ANKRD30A: variants seen among roughly 807,000 people sequenced by gnomAD.
ANKRD30A encodes the protein ankyrin repeat domain 30A.
A neutral mutation model predicts 166.3 loss-of-function variants in ANKRD30A; 170 were observed. The observed-to-expected ratio is 1.02, with a 90% CI of 0.90 to 1.16. The LOEUF is 1.16. ANKRD30A is among the 50% of genes most tolerant of loss of function. The pLI is 0.00. For synonymous variants in ANKRD30A, 564 were observed against 508.9 expected (o/e 1.11, Z -1.46); for missense variants, 1,630 against 1,518.0 (o/e 1.07, Z -1.23).
chr10:37,219,738 G>A lies in ANKRD30A; in HGVS notation c.4026G>A (p.Lys1342=), dbSNP rs1564588794. The A allele has an allele frequency of 6.2e-7, 1 of 1,608,786 alleles. No homozygotes were observed. Among genetic ancestry groups the A allele is most frequent in the Non-Finnish European group, 8.5e-7 (1 of 1,176,894 alleles). ...AACAGCAATTAGTTCATGCACATAAGAAAGCTGACAACAAAAGCAAGATAA... is the reference window on the plus strand; with the variant it reads ...AACAGCAATTAGTTCATGCACATAAAAAAGCTGACAACAAAAGCAAGATAA... The part of the protein sequence containing the change: ...WLQQQLVHAH[K]KADNKSKITI... Residue 1342 remains lysine (K), a synonymous_variant, in exon 34 of 36, where the codon AAG becomes AAA. Coordinates refer to ENST00000361713, the MANE Select transcript of ANKRD30A (RefSeq NM_052997.3).
intron 28 of ANKRD30A, 34 bp from the exon 29 acceptor site, chr10:37,197,374 C>G: frequency 6.2e-7 from 1 of 1,612,536 alleles, no homozygotes; most frequent in East Asian, 2.2e-5. Flanking sequence ...AGTATACATT[C>G]TTTATTAATC....
chr10:37,150,259 A>G (rs576581608), intron 11 of ANKRD30A, among the ~76,000 whole-genome samples: 5 of 152,070 alleles, frequency 3.3e-5, no homozygotes, highest in Admixed American at 1.3e-4. Flanking sequence ...CCTTGTTTCC[A>G]GTGTTGTCAC....
chr10:37,241,821 TG>T, the ANKRD30A span: 2 of 152,298 alleles, frequency 1.3e-5, no homozygotes, highest in South Asian at 4.1e-4. Context: ...ATTTATTTTT[TG>T]GTTAGCTTTT....
intron 32 of ANKRD30A, among the ~76,000 whole-genome samples, chr10:37,217,006 A>G (rs1842637469): frequency 6.6e-6 from 1 of 151,018 alleles, no homozygotes; most frequent in Non-Finnish European, 1.5e-5. Context: ...TGTCCTACAT[A>G]AAATGAATTC....
chr10:37,165,478 C>A (rs1374391513), intron 18 of ANKRD30A, among the ~76,000 whole-genome samples: 1 of 152,136 alleles, frequency 6.6e-6, no homozygotes, highest in African/African-American at 2.4e-5. Context: ...GAGCTATGGG[C>A]AAATATATGA....
At chr10:37,211,641 A>G (rs1842325253) in intron 31 of ANKRD30A, among the ~76,000 whole-genome samples, 5 of 152,166 alleles carry the variant, frequency 3.3e-5, no homozygotes, top group South Asian at 2.1e-4. Flanking sequence ...TCCTTTGGGT[A>G]TATAACCAGT....
chr10:37,146,912 A>G (rs1295524804), intron 8 of ANKRD30A, among the ~76,000 whole-genome samples: 1 of 152,166 alleles, frequency 6.6e-6, no homozygotes, highest in Non-Finnish European at 1.5e-5. Flanking sequence ...AAGTTATGCA[A>G]ACTTCTCGGC....
intron 15 of ANKRD30A, among the ~76,000 whole-genome samples, chr10:37,160,561 A>G (rs938439617): frequency 7.9e-5 from 12 of 152,324 alleles, no homozygotes; most frequent in African/African-American, 2.6e-4. Context: ...GCTCTTGTAT[A>G]TGAAATAATG....
intron 31 of ANKRD30A, among the ~76,000 whole-genome samples, chr10:37,204,593 G>A (rs956295861): frequency 4.6e-5 from 7 of 152,098 alleles, no homozygotes; most frequent in Admixed American, 3.9e-4. Context: ...AAAAGCAATG[G>A]CAACAAAAGC....
At chr10:37,254,410 A>G in the ANKRD30A span, among the ~76,000 whole-genome samples, 1 of 152,118 alleles carries the variant, frequency 6.6e-6, no homozygotes, top group Admixed American at 6.5e-5. Context: ...TAGGCACACT[A>G]TTGGGTGTTA....
At chr10:37,149,317 C>G (rs1837737144) in intron 9 of ANKRD30A, among the ~76,000 whole-genome samples, 1 of 151,998 alleles carries the variant, frequency 6.6e-6, no homozygotes, top group South Asian at 2.1e-4. Context: ...AATAGAATAA[C>G]ATAAATGATT....
chr10:37,166,206 T>G (rs1340824760), intron 18 of ANKRD30A, among the ~76,000 whole-genome samples: 9 of 152,172 alleles, frequency 5.9e-5, no homozygotes, highest in Non-Finnish European at 1.3e-4. Flanking sequence ...ATTTTAAATG[T>G]TTACTGCTGT....
the ANKRD30A span, among the ~76,000 whole-genome samples, chr10:37,245,070 G>T: frequency 6.6e-6 from 1 of 152,146 alleles, no homozygotes. Context: ...GGGCAGAAAA[G>T]AGATAATACT....
rs547126672 is a variant in ANKRD30A, at chr10:37,191,046, G to T, written c.2512+1489G>T. On this transcript the variant is annotated intron_variant, in intron 25 of 35. Transcript: ENST00000361713. ...TTATGACTTGAATACCTAAATTGTT[G>T]TTATTCGTAGGTATTTTACTGATTT... 4.6e-5 allele frequency among the ~76,000 whole-genome samples: 7 copies of T among 151,818 alleles called. No individual in the cohort carries two copies. The South Asian group carries it at 1.5e-3, about 32-fold the overall frequency.
intron 27 of ANKRD30A, among the ~76,000 whole-genome samples, chr10:37,196,018 G>A (rs2490107): frequency 0.18 from 27,238 of 151,234 alleles, 3,134 homozygotes; most frequent in Admixed American, 0.26. Context: ...GAGAAAGGAA[G>A]TGTTGAACAA....
chr10:37,260,264 T>C, the ANKRD30A span, among the ~76,000 whole-genome samples: 1 of 152,222 alleles, frequency 6.6e-6, no homozygotes, highest in Non-Finnish European at 1.5e-5. Flanking sequence ...AATACAGTGA[T>C]TTGCTGCCTT....
intron 25 of ANKRD30A, among the ~76,000 whole-genome samples, chr10:37,192,597 A>G (rs1230026471): frequency 1.3e-5 from 2 of 152,048 alleles, no homozygotes; most frequent in African/African-American, 4.8e-5. Context: ...CTCCAGGACA[A>G]ATTGAAGAAC....
chr10:37,260,158 T>TA, the ANKRD30A span, among the ~76,000 whole-genome samples: 1 of 151,466 alleles, frequency 6.6e-6, no homozygotes, highest in Admixed American at 6.6e-5. Flanking sequence ...GAGAGAAAAC[T>TA]AAAAAAGAAA....
chr10:37,145,157 T>C, intron 8 of ANKRD30A, 101 bp downstream of exon 8: 1 of 847,524 alleles, frequency 1.2e-6, no homozygotes, highest in Non-Finnish European at 1.8e-6. Flanking sequence ...CCACTGCCTA[T>C]GCTCAGAAGA....
Sources: allele counts gnomAD v4.1 joint callset (sites outside exome capture counted in the v4.1 genomes callset), GRCh38; gene constraint gnomAD v4.1.1; transcripts MANE v1.5; gene names NCBI Gene and HGNC (gene_info 2026-07-23, HGNC 2026-07-21).